Variants in GPM6A observed in about 807,000 individuals in gnomAD.
GPM6A encodes neuronal membrane glycoprotein M6-a.
A neutral mutation model predicts 32.1 loss-of-function variants in GPM6A; 7 were observed. The observed-to-expected ratio is 0.22, with a 90% CI of 0.12 to 0.41. The LOEUF is 0.41. Among genes scored for constraint, GPM6A ranks in the 10% least tolerant of loss-of-function variants. The probability of loss-of-function intolerance (pLI) is 1.00; values close to 1 mark genes in which losing one functional copy is unlikely to be tolerated. For synonymous variants in GPM6A, 130 were observed against 123.4 expected (o/e 1.05, Z -0.35); for missense variants, 235 against 347.2 (o/e 0.68, Z 2.57).
At chr4:175,955,263 T>C (rs1396884100) in intron 1 of GPM6A, among the ~76,000 whole-genome samples, 3 of 152,208 alleles carry the variant, frequency 2.0e-5, no homozygotes, top group African/African-American at 7.2e-5. Context: ...GAAAATCTAG[T>C]AAGTTCATTT....
intron 3 of GPM6A, among the ~76,000 whole-genome samples, chr4:175,672,003 A>AG (rs80213375): frequency 6.6e-6 from 1 of 150,788 alleles, no homozygotes; most frequent in Non-Finnish European, 1.5e-5. Flanking sequence ...AAAAAGAAAG[A>AG]AAGAAAACGT....
At chr4:175,732,070 G>A (rs544842425) in intron 1 of GPM6A, among the ~76,000 whole-genome samples, 20 of 150,574 alleles carry the variant, frequency 1.3e-4, no homozygotes, top group African/African-American at 4.4e-4. Context: ...GGGTTCAAGC[G>A]ATTCGCCTGC....
At chr4:175,980,300 T>A (rs1194461443) in intron 1 of GPM6A, among the ~76,000 whole-genome samples, 1 of 152,128 alleles carries the variant, frequency 6.6e-6, no homozygotes, top group Non-Finnish European at 1.5e-5. Flanking sequence ...GAGATTGCAG[T>A]GAGCCCAGAT....
chr4:175,663,546 C>T (rs925226006), intron 3 of GPM6A, among the ~76,000 whole-genome samples: 4 of 152,064 alleles, frequency 2.6e-5, no homozygotes, highest in Non-Finnish European at 5.9e-5. Context: ...ATACAAAAAA[C>T]CATGTGAGGT....
chr4:175,939,192 A>C (rs1739331949), intron 1 of GPM6A, among the ~76,000 whole-genome samples: 1 of 152,210 alleles, frequency 6.6e-6, no homozygotes, highest in African/African-American at 2.4e-5. Flanking sequence ...TTCAGAATGA[A>C]TGCAAGGAAG....
In GPM6A at chr4:175,947,978, C is replaced by CT. The variant is rs529827084; in HGVS notation, c.-23+54330dup. On this transcript the variant is annotated intron_variant, in intron 1 of 7. Coordinates refer to the GPM6A transcript ENST00000280187. Reference sequence around the variant, plus strand: ...AGATGAATGAAGGAACAAAGCCCTACTTTTTTTCTATGCAACACTATATGC... The same window carrying CT: ...AGATGAATGAAGGAACAAAGCCCTACTTTTTTTTCTATGCAACACTATATGC... 2.6e-3 allele frequency among the ~76,000 whole-genome samples: 398 copies of CT among 152,246 alleles called. 2 individuals are homozygous for CT. The highest frequency in any genetic ancestry group is 4.6e-3 in the Non-Finnish European group (314 of 68,016).
intron 1 of GPM6A, among the ~76,000 whole-genome samples, chr4:175,901,276 A>T (rs576447615): frequency 6.6e-6 from 1 of 152,300 alleles, no homozygotes; most frequent in African/African-American, 2.4e-5. Flanking sequence ...TGCATATTTT[A>T]AAATAACTTA....
At chr4:175,952,416 G>T (rs1406500371) in intron 1 of GPM6A, among the ~76,000 whole-genome samples, 1 of 152,152 alleles carries the variant, frequency 6.6e-6, no homozygotes, top group African/African-American at 2.4e-5. Context: ...ATCTCAGAAT[G>T]GATGTCCCCA....
At chr4:175,878,750 C>A (rs892633929) in intron 1 of GPM6A, among the ~76,000 whole-genome samples, 106 of 152,262 alleles carry the variant, frequency 7.0e-4, no homozygotes, top group African/African-American at 2.5e-3. Context: ...CTCCTCATTA[C>A]TTGTGCAAAT....
chr4:175,828,883 A>G lies in GPM6A; in HGVS notation c.-22-16634T>C, dbSNP rs147191173. Among the ~76,000 whole-genome samples, 1,060 of 152,246 alleles carry G rather than the reference A, an allele frequency of 7.0e-3. 16 individuals carry two copies. The highest frequency in any genetic ancestry group is 0.024 in the African/African-American group (1,005 of 41,566). ...GACTGTAAATTTATATTGGCATTACAAACATTTCAAATTTTAAAATTATAA... is the reference window on the plus strand; with the variant it reads ...GACTGTAAATTTATATTGGCATTACGAACATTTCAAATTTTAAAATTATAA... On this transcript the variant is annotated intron_variant, in intron 1 of 7. Transcript: ENST00000280187.
At chr4:175,871,982 C>G (rs1340474790) in intron 1 of GPM6A, among the ~76,000 whole-genome samples, 2 of 152,050 alleles carry the variant, frequency 1.3e-5, no homozygotes, top group Admixed American at 6.6e-5. Flanking sequence ...CTGACTCATT[C>G]CACTGGGAAT....
chr4:175,784,714 A>AGT (rs1365899348), intron 1 of GPM6A, among the ~76,000 whole-genome samples: 1 of 151,812 alleles, frequency 6.6e-6, no homozygotes, highest in African/African-American at 2.4e-5. Context: ...AAATATGCTA[A>AGT]GTGTGTGTGT....
rs533243302 is a variant in GPM6A at position 175,640,113 on chromosome 4, C to T, written c.684+16G>A. Reference sequence around the variant, plus strand: ...ATTCACATTGAAAACCAAGCACCAGCGCTTTGAGGTCTTACCATAGCAATG... The same window carrying T: ...ATTCACATTGAAAACCAAGCACCAGTGCTTTGAGGTCTTACCATAGCAATG... On this transcript the variant is annotated intron_variant, in intron 6 of 6. Coordinates refer to ENST00000393658, the MANE Select transcript of GPM6A (RefSeq NM_201591.3). The T allele has an allele frequency of 5.5e-5, 87 of 1,595,466 alleles. No individual in the cohort carries two copies. Among genetic ancestry groups the T allele is most frequent in the South Asian group, 1.4e-4 (13 of 90,726 alleles).
intron 1 of GPM6A, among the ~76,000 whole-genome samples, chr4:175,859,095 A>G (rs576980093): frequency 3.3e-5 from 5 of 152,206 alleles, no homozygotes; most frequent in Non-Finnish European, 5.9e-5. Flanking sequence ...TCAGGTAGAA[A>G]GAATTCCCAA....
intron 1 of GPM6A, among the ~76,000 whole-genome samples, chr4:175,899,943 T>C (rs1737905600): frequency 6.6e-6 from 1 of 152,052 alleles, no homozygotes; most frequent in Admixed American, 6.6e-5. Flanking sequence ...ACCCAAAGAA[T>C]GGGAGAAGAT....
chr4:175,637,655 TAAAA>T (rs1740828818), intron 6 of GPM6A, among the ~76,000 whole-genome samples: 1 of 19,292 alleles, frequency 5.2e-5, no homozygotes, highest in South Asian at 2.2e-3. Flanking sequence ...ATATAAAATA[TAAAA>T]TATATAATAT....
chr4:175,826,430 C>T (rs1388051273), intron 1 of GPM6A, among the ~76,000 whole-genome samples: 7 of 151,966 alleles, frequency 4.6e-5, no homozygotes, highest in African/African-American at 9.7e-5. Flanking sequence ...TAAAACACTG[C>T]TTTTTAAATG....
At chr4:175,639,998 A>G (rs1741043043) in intron 6 of GPM6A, 131 bp downstream of exon 6, 1 of 783,892 alleles carries the variant, frequency 1.3e-6, no homozygotes, top group Non-Finnish European at 2.3e-6. Flanking sequence ...TGTTTTCCCT[A>G]CTTTTTTTAA....
intron 1 of GPM6A, among the ~76,000 whole-genome samples, chr4:175,908,876 A>T (rs1432613171): frequency 2.6e-5 from 4 of 152,128 alleles, no homozygotes; most frequent in African/African-American, 9.6e-5. Context: ...AAGAATAATT[A>T]CTAGAAAATG....
Sources: allele counts gnomAD v4.1 joint callset (sites outside exome capture counted in the v4.1 genomes callset), GRCh38; gene constraint gnomAD v4.1.1; transcripts MANE v1.5; gene names NCBI Gene and HGNC (gene_info 2026-07-23, HGNC 2026-07-21).